The following L2HGDH variants were observed in gnomAD, a reference collection of about 807,000 sequenced individuals.
L2HGDH encodes L-2-hydroxyglutarate dehydrogenase, mitochondrial.
In L2HGDH, 34 loss-of-function variants were observed where a neutral mutation model predicts 51.5. The observed-to-expected ratio is 0.66, with a 90% CI of 0.50 to 0.88. The LOEUF is 0.88. Ranked by LOEUF, L2HGDH falls within the 40% of genes least tolerant of loss-of-function variation. The pLI is 0.00. For synonymous variants in L2HGDH, 198 were observed against 197.9 expected (o/e 1.00, Z -0.01); for missense variants, 558 against 571.9 (o/e 0.98, Z 0.25).
intron 9 of L2HGDH, among the ~76,000 whole-genome samples, chr14:50,251,685 T>C (rs1888360816): frequency 1.3e-5 from 2 of 152,096 alleles, no homozygotes; most frequent in Non-Finnish European, 1.5e-5. Flanking sequence ...GACTTTTCAG[T>C]GGAAACCTTA....
At chr14:50,290,565 C>T (rs1890817806) in intron 4 of L2HGDH, among the ~76,000 whole-genome samples, 1 of 152,194 alleles carries the variant, frequency 6.6e-6, no homozygotes, top group East Asian at 1.9e-4. Context: ...GTTGCAACTA[C>T]TCAATGAGGC....
chr14:50,311,667 T>C (rs550759181), intron 1 of L2HGDH, among the ~76,000 whole-genome samples: 1 of 152,318 alleles, frequency 6.6e-6, no homozygotes, highest in South Asian at 2.1e-4. Flanking sequence ...TAGGTCCTTT[T>C]ATCCTTCAAA....
At chr14:50,284,742 A>G (rs1890470980) in intron 4 of L2HGDH, among the ~76,000 whole-genome samples, 2 of 152,122 alleles carry the variant, frequency 1.3e-5, no homozygotes, top group South Asian at 4.1e-4. Flanking sequence ...CTCCCAATCA[A>G]TTTCCCCAAG....
rs971506835 is a variant in L2HGDH, at chr14:50,295,040, T to C, written c.409-794A>G. ...ACAGAAGTGGAATCAAAGGACTCTATCAAGTAAGTGAAAAGACAACCCACA... is the reference window on the plus strand; with the variant it reads ...ACAGAAGTGGAATCAAAGGACTCTACCAAGTAAGTGAAAAGACAACCCACA... On this transcript the variant is annotated intron_variant, in intron 3 of 9. Coordinates refer to ENST00000267436, the MANE Select transcript of L2HGDH (RefSeq NM_024884.3). Among the ~76,000 whole-genome samples, 5 of 152,254 alleles carry C rather than the reference T, an allele frequency of 3.3e-5. No homozygotes were observed. The East Asian group carries it at 9.6e-4, about 29-fold the overall frequency.
chr14:50,275,762 C>A (rs1223473720), intron 6 of L2HGDH, among the ~76,000 whole-genome samples: 2 of 152,192 alleles, frequency 1.3e-5, no homozygotes, highest in Non-Finnish European at 2.9e-5. Context: ...GGTATTGTTT[C>A]TCCCACAGCC....
In L2HGDH at chr14:50,243,637, T is replaced by A. The variant is rs1325394636; in HGVS notation, c.*3421A>T. The A allele has an allele frequency of 3.1e-6, 2 of 644,310 alleles. No individual in the cohort carries two copies. The highest frequency in any genetic ancestry group is 3.8e-6 in the Non-Finnish European group (2 of 524,202). 39.9% of individuals were successfully genotyped at this position (644,310 alleles called of 1,614,324 possible). On this transcript the variant is annotated 3_prime_UTR_variant, in exon 10 of 10. Transcript: ENST00000267436. The stretch of plus-strand genomic sequence containing the variant: ...CATATTCAAAACACTTTCAACAAAT[T>A]TTTCATTTTTATTTTTCAGGGTATT...
chr14:50,251,430 A>G (rs947238573), intron 9 of L2HGDH, among the ~76,000 whole-genome samples: 1 of 152,158 alleles, frequency 6.6e-6, no homozygotes, highest in Non-Finnish European at 1.5e-5. Flanking sequence ...GAGGAGGTAC[A>G]GAAACATATA....
chr14:50,260,771 T>G (rs1342271570), intron 9 of L2HGDH, among the ~76,000 whole-genome samples: 3 of 152,164 alleles, frequency 2.0e-5, no homozygotes, highest in Non-Finnish European at 4.4e-5. Context: ...TGTCGACATA[T>G]TTTTGGTTGC....
At position 50,250,844 on chromosome 14, in the gene L2HGDH, T is replaced by C. The variant is rs534743085; in HGVS notation, c.1197-3591A>G. ...CAAGTCTACAAAAGACACAATGTTA[T>C]TGGGCTTGTTACCCAAGTCCCTTTG... On this transcript the variant is annotated intron_variant, in intron 9 of 9. Transcript: ENST00000267436. Among the ~76,000 whole-genome samples, 280 of 152,352 alleles carry C rather than the reference T, an allele frequency of 1.8e-3. 4 individuals carry two copies. Among genetic ancestry groups the C allele is most frequent in the African/African-American group, 6.4e-3 (268 of 41,580 alleles).
intron 9 of L2HGDH, among the ~76,000 whole-genome samples, chr14:50,248,687 A>AT (rs572079380): frequency 6.6e-6 from 1 of 152,172 alleles, no homozygotes; most frequent in Non-Finnish European, 1.5e-5. Flanking sequence ...TGGACAAGAG[A>AT]TTTTTTAGCT....
chr14:50,279,439 T>A (rs1201161910), intron 5 of L2HGDH, among the ~76,000 whole-genome samples: 2 of 152,208 alleles, frequency 1.3e-5, no homozygotes, highest in Non-Finnish European at 2.9e-5. Flanking sequence ...GACCTTAGGC[T>A]GTCATTCTGA....
rs1319972967 is a variant in L2HGDH at position 50,243,075 on chromosome 14, G to A, written c.*3983C>T. On this transcript the variant is annotated 3_prime_UTR_variant, in exon 10 of 10. Transcript: ENST00000267436. Reference sequence around the variant, plus strand: ...GTTAAGGTTATCCCACAGGCTACTAGGTAGATTTCCAAATGGCCTCAGGGA... The same window carrying A: ...GTTAAGGTTATCCCACAGGCTACTAAGTAGATTTCCAAATGGCCTCAGGGA... 1 of 985,416 alleles carries A rather than the reference G, an allele frequency of 1.0e-6. No individual in the cohort carries two copies. Among genetic ancestry groups the A allele is most frequent in the East Asian group, 1.1e-4 (1 of 8,808 alleles). The allele number at this position is 985,416 out of a possible 1,614,324, so 61.0% of individuals were successfully genotyped here.
intron 6 of L2HGDH, among the ~76,000 whole-genome samples, chr14:50,272,826 T>C (rs1353690241): frequency 6.6e-6 from 1 of 152,190 alleles, no homozygotes; most frequent in East Asian, 1.9e-4. Flanking sequence ...CTCCTTCCTA[T>C]CAACCTGCCT....
At chr14:50,269,960 AG>A (rs1376396121) in intron 6 of L2HGDH, among the ~76,000 whole-genome samples, 4 of 152,222 alleles carry the variant, frequency 2.6e-5, no homozygotes, top group African/African-American at 9.6e-5. Flanking sequence ...TCTCATTTAA[AG>A]GCAAACTCTG....
At chr14:50,281,222 G>A (rs577757277) in intron 5 of L2HGDH, among the ~76,000 whole-genome samples, 16 of 152,150 alleles carry the variant, frequency 1.1e-4, no homozygotes, top group Non-Finnish European at 2.2e-4. Flanking sequence ...TAATTTACAT[G>A]TTGATATATA....
rs747924080 is a variant in L2HGDH, at chr14:50,249,882, C to CTTT, written c.1197-2632_1197-2630dup. Among the ~76,000 whole-genome samples the CTTT allele has an allele frequency of 1.2e-3, 85 of 68,960 alleles. 1 individual carries two copies. The highest frequency in any genetic ancestry group is 3.7e-3 in the South Asian group (5 of 1,336). The allele number at this position is 68,960 out of a possible 152,430, so 45.2% of individuals were successfully genotyped here. ...GGTCCCCAAGTCAAGGCTTACACTC[C>CTTT]TTTTTTTTTTTTTTTTTTTTTTTTT... On this transcript the variant is annotated intron_variant, in intron 9 of 9. Coordinates refer to ENST00000267436, the MANE Select transcript of L2HGDH (RefSeq NM_024884.3).
chr14:50,244,144 C>T lies in L2HGDH; in HGVS notation c.*2914G>A, dbSNP rs143803653. On this transcript the variant is annotated 3_prime_UTR_variant, in exon 10 of 10. Coordinates refer to ENST00000267436, the MANE Select transcript of L2HGDH (RefSeq NM_024884.3). Reference sequence around the variant, plus strand: ...TGTGAATAGTGCCACAATAAACATACGTGTGCATGTGTCTTTATAGCAGCA... The same window carrying T: ...TGTGAATAGTGCCACAATAAACATATGTGTGCATGTGTCTTTATAGCAGCA... 1,470 of 152,730 alleles carry T rather than the reference C, an allele frequency of 9.6e-3. 17 individuals are homozygous for T. Among genetic ancestry groups the T allele is most frequent in the Non-Finnish European group, 0.012 (833 of 68,568 alleles). The allele number at this position is 152,730 out of a possible 1,614,324, so 9.5% of individuals were successfully genotyped here.
At chr14:50,300,168 T>C (rs933314507) in intron 3 of L2HGDH, among the ~76,000 whole-genome samples, 1 of 152,124 alleles carries the variant, frequency 6.6e-6, no homozygotes, top group South Asian at 2.1e-4. Context: ...AAAATGTTGA[T>C]TATAGTTAAT....
chr14:50,280,711 G>A (rs993446997), intron 5 of L2HGDH, among the ~76,000 whole-genome samples: 3 of 151,854 alleles, frequency 2.0e-5, no homozygotes, highest in Admixed American at 6.6e-5. Context: ...ATGGGGTCTC[G>A]CGATGTTGCC....
Sources: allele counts gnomAD v4.1 joint callset (sites outside exome capture counted in the v4.1 genomes callset), GRCh38; gene constraint gnomAD v4.1.1; transcripts MANE v1.5; gene names NCBI Gene and HGNC (gene_info 2026-07-23, HGNC 2026-07-21).